NFIB: variants seen among roughly 807,000 people sequenced by gnomAD.
NFIB encodes the protein nuclear factor 1 B-type.
In NFIB, 11 loss-of-function variants were observed where a neutral mutation model predicts 61.5. That is an observed-to-expected ratio of 0.18 (90% confidence interval 0.11 to 0.30). NFIB has a LOEUF of 0.30. NFIB is among the 10% of genes least tolerant of loss of function. The probability of loss-of-function intolerance (pLI) is 1.00; values close to 1 mark genes in which losing one functional copy is unlikely to be tolerated. For missense variants in NFIB, 471 were observed against 608.9 expected (o/e 0.77, Z 2.38); for synonymous variants, 260 against 216.5 (o/e 1.20, Z -1.76).
intron 3 of NFIB, among the ~76,000 whole-genome samples, chr9:14,174,766 CAAAAA>C (rs546288962): frequency 1.8e-5 from 1 of 56,008 alleles, no homozygotes; most frequent in South Asian, 7.0e-4. Flanking sequence ...GACTCCATCT[CAAAAA>C]AAAAAAAAAA....
chr9:14,257,937 T>C (rs899081614), intron 2 of NFIB, among the ~76,000 whole-genome samples: 1 of 152,178 alleles, frequency 6.6e-6, no homozygotes, highest in Non-Finnish European at 1.5e-5. Context: ...ATCATATCAG[T>C]ATCTCAGTAT....
intron 9 of NFIB, among the ~76,000 whole-genome samples, chr9:14,113,902 C>CA (rs199556307): frequency 4.0e-4 from 60 of 149,102 alleles, no homozygotes; most frequent in Admixed American, 1.8e-3. Context: ...TTCACACACA[C>CA]AAAAAAAAAA....
intron 1 of NFIB, among the ~76,000 whole-genome samples, chr9:14,353,121 A>C (rs1469597240): frequency 6.6e-6 from 1 of 152,098 alleles, no homozygotes; most frequent in Non-Finnish European, 1.5e-5. Context: ...GGTATGGTGA[A>C]GGTGCTGCAG....
chr9:14,125,402 CGCCTCA>C (rs2039512973), intron 7 of NFIB, among the ~76,000 whole-genome samples: 1 of 152,162 alleles, frequency 6.6e-6, no homozygotes, highest in African/African-American at 2.4e-5. Context: ...GTGATCCACC[CGCCTCA>C]GCCTCCCAAA....
At chr9:14,486,430 G>A in the NFIB span, among the ~76,000 whole-genome samples, 1 of 152,184 alleles carries the variant, frequency 6.6e-6, no homozygotes, top group African/African-American at 2.4e-5. Context: ...TAGAAGGGGA[G>A]AATGGTGATC....
chr9:14,147,860 T>C (rs1245068264), intron 5 of NFIB, among the ~76,000 whole-genome samples: 1 of 151,950 alleles, frequency 6.6e-6, no homozygotes, highest in African/African-American at 2.4e-5. Flanking sequence ...CTGGCTGGTG[T>C]TGAATTCCTG....
intron 1 of NFIB, among the ~76,000 whole-genome samples, chr9:14,359,359 A>G (rs2061212521): frequency 6.6e-6 from 1 of 152,236 alleles, no homozygotes; most frequent in South Asian, 2.1e-4. Flanking sequence ...ATAAAGGCAG[A>G]AGCAATTTGA....
the NFIB span, among the ~76,000 whole-genome samples, chr9:14,500,018 G>A: frequency 6.6e-6 from 1 of 152,282 alleles, no homozygotes; most frequent in South Asian, 2.1e-4. Context: ...TCGGAGAGCG[G>A]GCACTCAATT....
At chr9:14,391,705 C>G (rs186092512) in intron 1 of NFIB, among the ~76,000 whole-genome samples, 256 of 152,222 alleles carry the variant, frequency 1.7e-3, no homozygotes, top group Non-Finnish European at 2.9e-3. Flanking sequence ...CATAGCCCAC[C>G]CCAAGGGAAG....
chr9:14,275,224 T>G (rs1375986943), intron 2 of NFIB, among the ~76,000 whole-genome samples: 1 of 152,186 alleles, frequency 6.6e-6, no homozygotes, highest in Non-Finnish European at 1.5e-5. Context: ...TCCAAGGGGT[T>G]AACCTCTGTG....
At chr9:14,289,608 C>T (rs1242192253) in intron 2 of NFIB, among the ~76,000 whole-genome samples, 2 of 151,510 alleles carry the variant, frequency 1.3e-5, no homozygotes, top group Admixed American at 1.3e-4. Flanking sequence ...CATACATATA[C>T]ATACATACAT....
intron 10 of NFIB, among the ~76,000 whole-genome samples, chr9:14,097,518 G>A (rs1044090308): frequency 1.3e-5 from 2 of 152,126 alleles, no homozygotes; most frequent in African/African-American, 4.8e-5. Context: ...TCGCGGGGAT[G>A]TTCTAAGTGT....
chr9:14,524,159 G>C, the NFIB span, among the ~76,000 whole-genome samples: 2 of 152,114 alleles, frequency 1.3e-5, no homozygotes, highest in Non-Finnish European at 2.9e-5. Flanking sequence ...TAGTAAATAA[G>C]ATGTGGTCCC....
chr9:14,462,810 G>A, the NFIB span, among the ~76,000 whole-genome samples: 1 of 152,178 alleles, frequency 6.6e-6, no homozygotes, highest in Non-Finnish European at 1.5e-5. Flanking sequence ...AAAGTTCTGG[G>A]ATTCTAGCAC....
At chr9:14,148,415 A>C (rs1587034730) in intron 5 of NFIB, among the ~76,000 whole-genome samples, 1 of 152,226 alleles carries the variant, frequency 6.6e-6, no homozygotes, top group East Asian at 1.9e-4. Flanking sequence ...TGCCCAGTGA[A>C]TATTTTTTCT....
upstream of NFIB, among the ~76,000 whole-genome samples, chr9:14,401,875 G>A (rs2061746166): frequency 6.6e-6 from 1 of 151,862 alleles, no homozygotes; most frequent in South Asian, 2.1e-4. Flanking sequence ...AGTGAGACTG[G>A]TGGGCCAGAA....
intron 1 of NFIB, among the ~76,000 whole-genome samples, chr9:14,359,134 C>G (rs1588365057): frequency 6.6e-6 from 1 of 152,220 alleles, no homozygotes; most frequent in South Asian, 2.1e-4. Flanking sequence ...CAGGGTATAC[C>G]CTTTCTTGCC....
chr9:14,218,471 A>G (rs2051215920), intron 2 of NFIB, among the ~76,000 whole-genome samples: 1 of 152,162 alleles, frequency 6.6e-6, no homozygotes, highest in South Asian at 2.1e-4. Context: ...CTTTGCATAC[A>G]GTAATGTGAG....
At chr9:14,477,656 G>A in the NFIB span, among the ~76,000 whole-genome samples, 1 of 152,138 alleles carries the variant, frequency 6.6e-6, no homozygotes, top group Non-Finnish European at 1.5e-5. Flanking sequence ...TTATTTCTAT[G>A]TTGTAAAAGC....
Sources: gnomAD v4.1 joint callset for allele counts (sites outside exome capture counted in the v4.1 genomes callset) on GRCh38, gnomAD v4.1.1 for gene constraint, MANE v1.5 for transcripts, NCBI Gene and HGNC (gene_info 2026-07-23, HGNC 2026-07-21) for gene names.